TESK2: variants seen among roughly 807,000 people sequenced by gnomAD.
TESK2 encodes the protein dual specificity testis-specific protein kinase 2.
A neutral mutation model predicts 57.1 loss-of-function variants in TESK2; 39 were observed. The ratio of observed to expected loss-of-function variants is 0.68; its 90% CI spans 0.53 to 0.89. The LOEUF (loss-of-function observed/expected upper bound fraction) is 0.89, where lower values mean the gene tolerates loss of function less well. Ranked by LOEUF, TESK2 falls within the 40% of genes least tolerant of loss-of-function variation. TESK2 has a pLI of 0.00. For synonymous variants in TESK2, 249 were observed against 267.9 expected, an observed-to-expected ratio of 0.93 and a Z score of 0.69; for missense variants, 646 against 732.1, an observed-to-expected ratio of 0.88 and a Z score of 1.36.
At chr1:45,424,022 A>G (rs938678816) in intron 2 of TESK2, among the ~76,000 whole-genome samples, 10 of 152,204 alleles carry the variant, frequency 6.6e-5, no homozygotes, top group African/African-American at 2.2e-4. Context: ...TGAAGTCACA[A>G]AGATCTTTCT....
intron 1 of TESK2, among the ~76,000 whole-genome samples, chr1:45,461,789 T>C (rs771691926): frequency 2.6e-5 from 4 of 152,224 alleles, no homozygotes; most frequent in Non-Finnish European, 5.9e-5. Flanking sequence ...ATAAACTCTT[T>C]AATTTTTATG....
At chr1:45,468,256 T>A (rs1015762089) in intron 1 of TESK2, among the ~76,000 whole-genome samples, 21 of 152,076 alleles carry the variant, frequency 1.4e-4, no homozygotes, top group Admixed American at 6.6e-4. Flanking sequence ...AAAGTAATAC[T>A]AATGATTAGA....
At chr1:45,418,730 A>G (rs568946449) in intron 3 of TESK2, among the ~76,000 whole-genome samples, 66 of 152,242 alleles carry the variant, frequency 4.3e-4, no homozygotes, top group Non-Finnish European at 8.8e-4. Context: ...GATTTTATTC[A>G]CTGACTCCTC....
intron 5 of TESK2, among the ~76,000 whole-genome samples, chr1:45,350,162 G>A (rs927059024): frequency 2.0e-5 from 3 of 152,020 alleles, no homozygotes; most frequent in South Asian, 2.1e-4. Flanking sequence ...TAAAAAAAGC[G>A]TGTGTCAAAC....
chr1:45,384,635 A>G (rs1314087807), intron 4 of TESK2, among the ~76,000 whole-genome samples: 2 of 107,450 alleles, frequency 1.9e-5, no homozygotes, highest in East Asian at 2.4e-4. Context: ...TTGTAGAGAC[A>G]GAGCCTTGCT....
At chr1:45,365,370 C>T (rs1647869313) in intron 4 of TESK2, among the ~76,000 whole-genome samples, 1 of 152,212 alleles carries the variant, frequency 6.6e-6, no homozygotes, top group Non-Finnish European at 1.5e-5. Context: ...GTTCTAGCCA[C>T]AGAGTAAAAC....
rs146153508 is a variant in TESK2 at position 45,420,323 on chromosome 1, G to A, written c.344+1402C>T. ...GCTGCAATCATGGCTCACTGTAGCT[G>A]TGAACTATTGGCTCAAGAGATCCTC... On this transcript the variant is annotated intron_variant, in intron 3 of 10. Coordinates refer to ENST00000372086, the MANE Select transcript of TESK2 (RefSeq NM_007170.3). Among the ~76,000 whole-genome samples the A allele has an allele frequency of 3.7e-3, 565 of 152,198 alleles. 11 individuals carry two copies. The highest frequency in any genetic ancestry group is 0.013 in the African/African-American group (537 of 41,524).
chr1:45,373,188 A>C (rs1648273986), intron 4 of TESK2, among the ~76,000 whole-genome samples: 1 of 152,206 alleles, frequency 6.6e-6, no homozygotes. Context: ...TCCAGCTGGC[A>C]ATAGAGACTA....
intron 2 of TESK2, among the ~76,000 whole-genome samples, chr1:45,445,341 G>C (rs1329889134): frequency 6.6e-6 from 1 of 152,082 alleles, no homozygotes; most frequent in African/African-American, 2.4e-5. Context: ...GGCTTGCTCT[G>C]TGATTATTAA....
chr1:45,346,617 C>G (rs1030870938), intron 9 of TESK2, 76 bp downstream of exon 9: 4 of 1,267,838 alleles, frequency 3.2e-6, no homozygotes, highest in Non-Finnish European at 4.5e-6. Flanking sequence ...AATTAGCAGC[C>G]TCTCTGTACA....
At chr1:45,421,650 T>A in intron 3 of TESK2, 75 bp downstream of exon 3, 1 of 1,574,360 alleles carries the variant, frequency 6.4e-7, no homozygotes, top group Non-Finnish European at 8.7e-7. Flanking sequence ...CTCCTTTTTT[T>A]CCTATTAGTG....
At chr1:45,435,904 G>A (rs1557572966) in intron 2 of TESK2, among the ~76,000 whole-genome samples, 1 of 151,618 alleles carries the variant, frequency 6.6e-6, no homozygotes, top group Non-Finnish European at 1.5e-5. Context: ...AAAGTGTCTT[G>A]TCCCCAGTGT....
At chr1:45,449,936 G>A (rs866378869) in intron 2 of TESK2, among the ~76,000 whole-genome samples, 43 of 152,186 alleles carry the variant, frequency 2.8e-4, no homozygotes, top group Middle Eastern at 3.4e-3. Flanking sequence ...ATTCTGGTGT[G>A]ATTGACATTT....
At chr1:45,348,029 A>G in intron 5 of TESK2, 29 bp from the exon 6 acceptor site, 1 of 1,472,666 alleles carries the variant, frequency 6.8e-7, no homozygotes, top group South Asian at 1.1e-5. Context: ...AAGAGAAAAT[A>G]ATGTGGCTCA....
At chr1:45,382,658 G>C (rs1648711660) in intron 4 of TESK2, among the ~76,000 whole-genome samples, 1 of 152,170 alleles carries the variant, frequency 6.6e-6, no homozygotes, top group Admixed American at 6.5e-5. Context: ...ATCACCTGAG[G>C]TCAGGAGTTC....
At chr1:45,476,105 A>G (rs984138822) in intron 1 of TESK2, among the ~76,000 whole-genome samples, 2 of 152,162 alleles carry the variant, frequency 1.3e-5, no homozygotes, top group African/African-American at 4.8e-5. Flanking sequence ...ACTCCCTTTC[A>G]TATATACATA....
intron 1 of TESK2, among the ~76,000 whole-genome samples, chr1:45,468,893 G>A (rs1404103759): frequency 2.0e-5 from 3 of 152,064 alleles, no homozygotes; most frequent in African/African-American, 7.2e-5. Context: ...TGTTAGAGAA[G>A]CTTAATCATT....
In TESK2 at chr1:45,404,375, GC is replaced by G. The variant is rs1186751090; in HGVS notation, c.344+17349del. ...GCCATGCAAAGGGGATTAAGTGGGG[GC>G]TACAGAAATAAATGTGATGTTCCCT... On this transcript the variant is annotated intron_variant, in intron 3 of 10. Transcript: ENST00000372086. 2.0e-5 allele frequency among the ~76,000 whole-genome samples: 3 copies of G among 152,072 alleles called. No individual in the cohort carries two copies. In the East Asian group the frequency reaches 5.8e-4, roughly 29 times the overall value.
intron 3 of TESK2, among the ~76,000 whole-genome samples, chr1:45,392,105 T>C (rs895835425): frequency 2.0e-5 from 3 of 152,040 alleles, no homozygotes; most frequent in Non-Finnish European, 4.4e-5. Flanking sequence ...ATTGACTGAT[T>C]GAGACTGTCT....
Sources: gnomAD v4.1 joint callset for allele counts (sites outside exome capture counted in the v4.1 genomes callset) on GRCh38, gnomAD v4.1.1 for gene constraint, MANE v1.5 for transcripts, NCBI Gene and HGNC (gene_info 2026-07-23, HGNC 2026-07-21) for gene names.